Variants in P4HA1 observed in about 807,000 individuals in gnomAD.
P4HA1 encodes prolyl 4-hydroxylase subunit alpha 1, also known as prolyl 4-hydroxylase subunit alpha-1.
A neutral mutation model predicts 72.8 loss-of-function variants in P4HA1; 24 were observed. That is an observed-to-expected ratio of 0.33 (90% CI 0.24 to 0.46). P4HA1 has a LOEUF of 0.46. P4HA1 is among the 20% of genes least tolerant of loss of function. The pLI is 1.00. For synonymous variants in P4HA1, 201 were observed against 218.8 expected, an observed-to-expected ratio of 0.92 and a Z score of 0.72; for missense variants, 446 against 640.6, an observed-to-expected ratio of 0.70 and a Z score of 3.28.
chr10:73,052,876 G>A (rs1432182096), intron 6 of P4HA1, among the ~76,000 whole-genome samples: 1 of 152,092 alleles, frequency 6.6e-6, no homozygotes, highest in East Asian at 1.9e-4. Context: ...CGTGGTGCTT[G>A]GGCCATACTT....
At chr10:73,091,060 CAAAAAAAAAAAAAAA>C (rs202009101) in intron 1 of P4HA1, among the ~76,000 whole-genome samples, 2 of 49,388 alleles carry the variant, frequency 4.0e-5, no homozygotes, top group East Asian at 6.9e-4. Context: ...GAGTCCATCT[CAAAAAAAAAAAAAAA>C]AAAAAAAAAG....
intron 1 of P4HA1, among the ~76,000 whole-genome samples, chr10:73,096,172 G>C (rs1242091770): frequency 6.6e-6 from 1 of 152,238 alleles, no homozygotes; most frequent in Non-Finnish European, 1.5e-5. Context: ...GCTACGTCTG[G>C]CAGCTAATGC....
intron 1 of P4HA1, among the ~76,000 whole-genome samples, chr10:73,093,009 C>T (rs1478296050): frequency 6.6e-6 from 1 of 151,756 alleles, no homozygotes; most frequent in Admixed American, 6.6e-5. Flanking sequence ...CCCCGAGCTA[C>T]ACCCGGAGGC....
chr10:73,090,846 C>G (rs7077346), intron 1 of P4HA1, among the ~76,000 whole-genome samples: 1 of 151,544 alleles, frequency 6.6e-6, no homozygotes, highest in Admixed American at 6.6e-5. Flanking sequence ...GGATCACCCC[C>G]GGTCAGGAGT....
At chr10:73,017,146 T>G (rs1184033384) in intron 10 of P4HA1, among the ~76,000 whole-genome samples, 2 of 148,494 alleles carry the variant, frequency 1.3e-5, no homozygotes, top group East Asian at 2.0e-4. Flanking sequence ...TACAGATGTA[T>G]ATATAGATAT....
chr10:73,061,653 C>G (rs1481953737), intron 5 of P4HA1, among the ~76,000 whole-genome samples: 1 of 152,252 alleles, frequency 6.6e-6, no homozygotes, highest in East Asian at 1.9e-4. Flanking sequence ...ATAGTCCCAG[C>G]TACTTGGGAG....
intron 10 of P4HA1, among the ~76,000 whole-genome samples, chr10:73,026,215 G>A (rs1840262942): frequency 6.6e-6 from 1 of 152,090 alleles, no homozygotes; most frequent in Admixed American, 6.6e-5. Flanking sequence ...ATACTACAAG[G>A]CTACAGTAAC....
At chr10:73,040,615 A>G (rs1840709118) in intron 9 of P4HA1, among the ~76,000 whole-genome samples, 1 of 151,452 alleles carries the variant, frequency 6.6e-6, no homozygotes, top group South Asian at 2.1e-4. Flanking sequence ...AGCTGGGATT[A>G]CAGGCGCGCC....
intron 1 of P4HA1, among the ~76,000 whole-genome samples, chr10:73,086,498 T>C (rs1747598683): frequency 6.6e-6 from 1 of 152,208 alleles, no homozygotes; most frequent in African/African-American, 2.4e-5. Context: ...GGGTTTCTTT[T>C]TGGAGTGATA....
chr10:73,095,553 G>C (rs1842146587), intron 1 of P4HA1, among the ~76,000 whole-genome samples: 1 of 148,198 alleles, frequency 6.7e-6, no homozygotes, highest in African/African-American at 2.5e-5. Context: ...GTAAAAAATT[G>C]ATGAAAGAAC....
intron 3 of P4HA1, among the ~76,000 whole-genome samples, chr10:73,073,220 C>CTTTTTT (rs573264487): frequency 8.6e-6 from 1 of 116,168 alleles, no homozygotes; most frequent in Non-Finnish European, 1.7e-5. Flanking sequence ...CATCCATATT[C>CTTTTTT]TTTTTTTTTT....
intron 1 of P4HA1, among the ~76,000 whole-genome samples, chr10:73,087,951 T>C (rs1336876479): frequency 6.6e-6 from 1 of 152,254 alleles, no homozygotes; most frequent in East Asian, 1.9e-4. Context: ...TTATGAATCA[T>C]GTTCTTGGCA....
At chr10:73,036,357 TTA>T (rs1197962666) in intron 9 of P4HA1, among the ~76,000 whole-genome samples, 2 of 152,078 alleles carry the variant, frequency 1.3e-5, no homozygotes, top group Non-Finnish European at 2.9e-5. Flanking sequence ...GTTATTTCAT[TTA>T]ATTTGACTTT....
chr10:73,036,778 A>C (rs1338662211), intron 9 of P4HA1, among the ~76,000 whole-genome samples: 1 of 152,174 alleles, frequency 6.6e-6, no homozygotes, highest in Non-Finnish European at 1.5e-5. Flanking sequence ...AATTACTGCT[A>C]ATCTGTCTTC....
At chr10:73,093,708 T>C (rs190496800) in intron 1 of P4HA1, among the ~76,000 whole-genome samples, 373 of 150,078 alleles carry the variant, frequency 2.5e-3, no homozygotes, top group African/African-American at 8.5e-3. Flanking sequence ...CTGGGCGTGA[T>C]GGTGGGCGGC....
chr10:73,016,374 C>G (rs1437597751), intron 11 of P4HA1, among the ~76,000 whole-genome samples: 1 of 152,216 alleles, frequency 6.6e-6, no homozygotes, highest in Non-Finnish European at 1.5e-5. Flanking sequence ...TCCCTTACTG[C>G]AAAATCCCAC....
At chr10:73,043,075 C>T (rs1384553263) in intron 9 of P4HA1, among the ~76,000 whole-genome samples, 8 of 152,090 alleles carry the variant, frequency 5.3e-5, no homozygotes, top group African/African-American at 1.9e-4. Context: ...TATAAAAAGG[C>T]TGTGTTAAAG....
intron 5 of P4HA1, among the ~76,000 whole-genome samples, chr10:73,066,525 T>C (rs1422349431): frequency 2.0e-5 from 3 of 152,158 alleles, no homozygotes; most frequent in Non-Finnish European, 4.4e-5. Flanking sequence ...TTTTTTGCTT[T>C]TTGTTTTTTG....
intron 12 of P4HA1, among the ~76,000 whole-genome samples, chr10:73,011,540 G>GGGAATCAAACATATTAAATAAAA (rs1319873749): frequency 1.3e-5 from 2 of 151,998 alleles, no homozygotes; most frequent in African/African-American, 4.8e-5. Context: ...TCTCATGGAA[G>GGGAATCAAACATATTAAATAAAA]GGAATCAAAC....
Sources: allele counts gnomAD v4.1 joint callset (sites outside exome capture counted in the v4.1 genomes callset), GRCh38; gene constraint gnomAD v4.1.1; transcripts MANE v1.5; gene names NCBI Gene and HGNC (gene_info 2026-07-23, HGNC 2026-07-21).